Variants in RBM8A observed in about 807,000 individuals in gnomAD.
RBM8A encodes the protein RNA-binding protein 8A.
In RBM8A, 8 loss-of-function variants were observed where a neutral mutation model predicts 25.1. That is an observed-to-expected ratio of 0.32 (90% confidence interval 0.19 to 0.58). The LOEUF is 0.58. Among genes scored for constraint, RBM8A ranks in the 20% least tolerant of loss-of-function variants. The probability of loss-of-function intolerance (pLI) is 0.88; values close to 1 mark genes in which losing one functional copy is unlikely to be tolerated. For synonymous variants in RBM8A, 66 were observed against 80.0 expected (o/e 0.82, Z 0.94); for missense variants, 114 against 236.8 (o/e 0.48, Z 3.40).
At position 145,925,880 on chromosome 1, in the gene RBM8A, T is replaced by C. The variant is rs1648124333; in HGVS notation, c.*2A>G. 6.2e-7 allele frequency: 1 copy of C among 1,613,338 alleles called. No individual in the cohort carries two copies. Among genetic ancestry groups the C allele is most frequent in the Non-Finnish European group, 8.5e-7 (1 of 1,179,782 alleles). On this transcript the variant is annotated 3_prime_UTR_variant, in exon 6 of 6. Coordinates refer to ENST00000583313, the MANE Select transcript of RBM8A (RefSeq NM_005105.5). ...GAGAACACCTGGACAACAGAGGACCTGTCAGCGACGTCTCCGGTCTGGACT... is the reference window on the plus strand; with the variant it reads ...GAGAACACCTGGACAACAGAGGACCCGTCAGCGACGTCTCCGGTCTGGACT...
intron 2 of RBM8A, 21 bp from the exon 3 acceptor site, chr1:145,926,907 A>G: frequency 1.2e-6 from 2 of 1,613,936 alleles, no homozygotes; most frequent in South Asian, 1.1e-5. Flanking sequence ...CATACACGAG[A>G]TCACCGAAAA....
At chr1:145,926,639 G>A (rs1160835300) in intron 3 of RBM8A, 21 bp from the exon 4 acceptor site, 6 of 1,613,692 alleles carry the variant, frequency 3.7e-6, no homozygotes, top group Non-Finnish European at 5.1e-6. Context: ...ACGGGGGGAA[G>A]TTGTATGAGT....
intron 3 of RBM8A, 73 bp downstream of exon 3, chr1:145,926,736 G>A: frequency 6.2e-7 from 1 of 1,613,818 alleles, no homozygotes; most frequent in East Asian, 2.2e-5. Context: ...CATTCCTACT[G>A]CGTTTAACTA....
chr1:145,926,681 A>G, intron 3 of RBM8A, 63 bp from the exon 4 acceptor site: 1 of 1,612,670 alleles, frequency 6.2e-7, no homozygotes, highest in East Asian at 2.2e-5. Flanking sequence ...GGCTCACAGG[A>G]ATAGAGTGAG....
rs1647873771 is a variant in RBM8A at position 145,922,915 on chromosome 1, C to CT, written c.*2966dup. ...GTGGACCAAACTATAAATCCAAGAGCTTTGATTATTATTTTTTTTTTTTTT... is the reference window on the plus strand; with the variant it reads ...GTGGACCAAACTATAAATCCAAGAGCTTTTGATTATTATTTTTTTTTTTTTT... On this transcript the variant is annotated 3_prime_UTR_variant, in exon 6 of 6. Transcript: ENST00000583313. 6.8e-6 allele frequency: 1 copy of CT among 148,036 alleles called. No individual in the cohort carries two copies. The highest frequency in any genetic ancestry group is 2.4e-5 in the African/African-American group (1 of 40,908). 9.2% of individuals were successfully genotyped at this position (148,036 alleles called of 1,614,324 possible).
rs1218119952 is a variant in RBM8A at position 145,923,629 on chromosome 1, A to T, written c.*2253T>A. The stretch of plus-strand genomic sequence containing the variant: ...TGGAAAACCCAGCAATTTAACAAAA[A>T]GGGGGAGGGGCAGCCCAATAGCATT... On this transcript the variant is annotated 3_prime_UTR_variant, in exon 6 of 6. Transcript: ENST00000583313. 1 of 319,460 alleles carries T rather than the reference A, an allele frequency of 3.1e-6. No homozygotes were observed. Among genetic ancestry groups the T allele is most frequent in the African/African-American group, 2.1e-5 (1 of 46,954 alleles). 19.8% of individuals were successfully genotyped at this position (319,460 alleles called of 1,614,324 possible). A position where few individuals can be genotyped will look rare whatever the true frequency, so the allele number is the denominator to read the frequency against.
chr1:145,927,092 G>A lies in RBM8A; in HGVS notation c.68-15C>T, dbSNP rs1553756107. On this transcript the variant is annotated splice_polypyrimidine_tract_variant and intron_variant, in intron 1 of 5. Transcript: ENST00000583313. ...GTGAATGCTCTCTGGAACCCCAGAA[G>A]ATAAAAGAATAAGTAACTATGACAG... 3.7e-6 allele frequency: 6 copies of A among 1,611,576 alleles called. No homozygotes were observed. Among genetic ancestry groups the A allele is most frequent in the South Asian group, 2.2e-5 (2 of 91,026 alleles).
chr1:145,925,955 T>TC (rs1559231184), intron 5 of RBM8A, 28 bp from the exon 6 acceptor site: 1 of 1,613,900 alleles, frequency 6.2e-7, no homozygotes, highest in East Asian at 2.2e-5. Context: ...GGGAGAGGAG[T>TC]CCATTAGAGG....
chr1:145,922,090 G>A lies in RBM8A; in HGVS notation c.*3792C>T, dbSNP rs1195541120. Reference sequence around the variant, plus strand: ...AATACAAAAATTAGCCGGGTATAGTGGTGAGCACCTGTAATCCCAACTACT... The same window carrying A: ...AATACAAAAATTAGCCGGGTATAGTAGTGAGCACCTGTAATCCCAACTACT... On this transcript the variant is annotated 3_prime_UTR_variant, in exon 6 of 6. Coordinates refer to ENST00000583313, the MANE Select transcript of RBM8A (RefSeq NM_005105.5). 2 of 152,130 alleles carry A rather than the reference G, an allele frequency of 1.3e-5. No individual in the cohort carries two copies. The highest frequency in any genetic ancestry group is 2.9e-5 in the Non-Finnish European group (2 of 68,070). The allele number at this position is 152,130 out of a possible 1,614,324, so 9.4% of individuals were successfully genotyped here.
rs184562575 is a variant in RBM8A at position 145,922,193 on chromosome 1, C to G, written c.*3689G>C. 8.6e-6 allele frequency: 1 copy of G among 116,826 alleles called. No homozygotes were observed. The highest frequency in any genetic ancestry group is 1.6e-5 in the Non-Finnish European group (1 of 60,930). The allele number at this position is 116,826 out of a possible 1,614,324, so 7.2% of individuals were successfully genotyped here. On this transcript the variant is annotated 3_prime_UTR_variant, in exon 6 of 6. Coordinates refer to ENST00000583313, the MANE Select transcript of RBM8A (RefSeq NM_005105.5). ...GAGCCAAGACTGCACCACTGCACTC[C>G]GGCGTGGGCGGCAGAGCCAGACTCT...
rs587672494 is a variant in RBM8A at position 145,925,985 on chromosome 1, A to C, written c.479+56T>G. On this transcript the variant is annotated intron_variant, in intron 5 of 5. Coordinates refer to ENST00000583313, the MANE Select transcript of RBM8A (RefSeq NM_005105.5). ...TAGAGGGACATAATACTAAGTCCTC[A>C]TTCTGTTTCGTTCGTATTCCCTTCA... The C allele has an allele frequency of 3.1e-6, 5 of 1,614,182 alleles. No homozygotes were observed. The African/African-American group carries it at 4.0e-5, about 13-fold the overall frequency.
chr1:145,924,570 G>C lies in RBM8A; in HGVS notation c.*1312C>G. The C allele has an allele frequency of 2.7e-6, 1 of 366,378 alleles. No homozygotes were observed. Among genetic ancestry groups the C allele is most frequent in the Admixed American group, 3.7e-5 (1 of 27,140 alleles). The allele number at this position is 366,378 out of a possible 1,614,324, so 22.7% of individuals were successfully genotyped here. Reference sequence around the variant, plus strand: ...GAGTTAGCTGGACAAGGACTAGGGAGGCAATCAGTATTATTTATTCTTGAA... The same window carrying C: ...GAGTTAGCTGGACAAGGACTAGGGACGCAATCAGTATTATTTATTCTTGAA... On this transcript the variant is annotated 3_prime_UTR_variant, in exon 6 of 6. Coordinates refer to ENST00000583313, the MANE Select transcript of RBM8A (RefSeq NM_005105.5).
rs1378235141 is a variant in RBM8A, at chr1:145,922,668, TG to T, written c.*3213del. 1 of 152,214 alleles carries T rather than the reference TG, an allele frequency of 6.6e-6. No individual in the cohort carries two copies. Among genetic ancestry groups the T allele is most frequent in the Non-Finnish European group, 1.5e-5 (1 of 68,040 alleles). 9.4% of individuals were successfully genotyped at this position (152,214 alleles called of 1,614,324 possible). ...GGTAAATTCTGTATTGCCCATATGC[TG>T]TAATTGTAGTTAAAATATTAGTGTT... On this transcript the variant is annotated 3_prime_UTR_variant, in exon 6 of 6. Coordinates refer to ENST00000583313, the MANE Select transcript of RBM8A (RefSeq NM_005105.5).
Position 145,926,030 on chromosome 1 carries a change from C to T in RBM8A, c.479+11G>A. The T allele has an allele frequency of 6.2e-7, 1 of 1,614,234 alleles. No homozygotes were observed. ...CCTTCACCCAGACAGTATTTGCCCT[C>T]TTCATTTTACCTCCTCTTGCCTTTT... is the stretch of plus-strand genomic sequence containing the variant. On this transcript the variant is annotated intron_variant, in intron 5 of 5. Transcript: ENST00000583313.
At chr1:145,927,282 A>G (rs1330829076) in intron 1 of RBM8A, 78 bp downstream of exon 1, 20 of 1,526,170 alleles carry the variant, frequency 1.3e-5, no homozygotes, top group Middle Eastern at 1.7e-4. Context: ...ACGACCGAGG[A>G]AAAAAGAGTA....
rs1553755483 is a variant in RBM8A at position 145,924,521 on chromosome 1, G to C, written c.*1361C>G. On this transcript the variant is annotated 3_prime_UTR_variant, in exon 6 of 6. Coordinates refer to ENST00000583313, the MANE Select transcript of RBM8A (RefSeq NM_005105.5). ...ACCTGATGCTAGAGATAATTTTGTT[G>C]AATCCCTTCAATTATAAACAGCTGA... 1.9e-5 allele frequency: 7 copies of C among 376,342 alleles called. No individual in the cohort carries two copies. Among genetic ancestry groups the C allele is most frequent in the Non-Finnish European group, 3.3e-5 (6 of 182,684 alleles). 23.3% of individuals were successfully genotyped at this position (376,342 alleles called of 1,614,324 possible).
Position 145,924,537 on chromosome 1 carries a change from A to T in RBM8A, c.*1345T>A. ...AATTTTGTTGAATCCCTTCAATTATAAACAGCTGAGTTAGCTGGACAAGGA... is the reference window on the plus strand; with the variant it reads ...AATTTTGTTGAATCCCTTCAATTATTAACAGCTGAGTTAGCTGGACAAGGA... On this transcript the variant is annotated 3_prime_UTR_variant, in exon 6 of 6. Coordinates refer to ENST00000583313, the MANE Select transcript of RBM8A (RefSeq NM_005105.5). The T allele has an allele frequency of 2.7e-6, 1 of 373,646 alleles. No homozygotes were observed. The highest frequency in any genetic ancestry group is 7.4e-5 in the East Asian group (1 of 13,554). 23.1% of individuals were successfully genotyped at this position (373,646 alleles called of 1,614,324 possible). A position where few individuals can be genotyped will look rare whatever the true frequency, so the allele number is the denominator to read the frequency against.
rs1359530095 is a variant in RBM8A at position 145,924,103 on chromosome 1, T to G, written c.*1779A>C. 2.2e-5 allele frequency: 16 copies of G among 713,278 alleles called. No homozygotes were observed. In the South Asian group the frequency reaches 2.2e-4, roughly 10 times the overall value. The allele number at this position is 713,278 out of a possible 1,614,324, so 44.2% of individuals were successfully genotyped here. ...GAGGAGACAGTATGACATAGGTGGGTAGGTTGGGTGGTGAGGGGAACCAGT... is the reference window on the plus strand; with the variant it reads ...GAGGAGACAGTATGACATAGGTGGGGAGGTTGGGTGGTGAGGGGAACCAGT... On this transcript the variant is annotated 3_prime_UTR_variant, in exon 6 of 6. Coordinates refer to ENST00000583313, the MANE Select transcript of RBM8A (RefSeq NM_005105.5).
rs1381253241 is a variant in RBM8A at position 145,925,428 on chromosome 1, G to A, written c.*454C>T. ...ATAACTAGCCCAGGTAACACAGCAA[G>A]ACCCCATCTCTACAAAAATATTAAA... On this transcript the variant is annotated 3_prime_UTR_variant, in exon 6 of 6. Transcript: ENST00000583313. 4 of 362,368 alleles carry A rather than the reference G, an allele frequency of 1.1e-5. No individual in the cohort carries two copies. Among genetic ancestry groups the A allele is most frequent in the African/African-American group, 8.6e-5 (4 of 46,690 alleles). 22.4% of individuals were successfully genotyped at this position (362,368 alleles called of 1,614,324 possible). A position where few individuals can be genotyped will look rare whatever the true frequency, so the allele number is the denominator to read the frequency against.
Sources: allele counts gnomAD v4.1 joint callset, GRCh38; gene constraint gnomAD v4.1.1; transcripts MANE v1.5; gene names NCBI Gene and HGNC (gene_info 2026-07-23, HGNC 2026-07-21).